The following ITPR3 variants were observed in gnomAD, a reference collection of about 807,000 sequenced individuals.
ITPR3 encodes inositol 1,4,5-trisphosphate-gated calcium channel ITPR3.
A neutral mutation model predicts 293.2 loss-of-function variants in ITPR3; 173 were observed. The ratio of observed to expected loss-of-function variants is 0.59; its 90% CI spans 0.52 to 0.67. ITPR3 has a LOEUF of 0.67. Among genes scored for constraint, ITPR3 ranks in the 30% least tolerant of loss-of-function variants. ITPR3 has a pLI of 0.00. For missense variants in ITPR3, 2,796 were observed against 3,592.1 expected, an observed-to-expected ratio of 0.78 and a Z score of 5.66; for synonymous variants, 1,295 against 1,444.4, an observed-to-expected ratio of 0.90 and a Z score of 2.35.
At position 33,658,588 on chromosome 6, in the gene ITPR3, C is replaced by G. The variant is rs2127262193; in HGVS notation, c.370-82C>G. 2 of 1,494,760 alleles carry G rather than the reference C, an allele frequency of 1.3e-6. No individual in the cohort carries two copies. Among genetic ancestry groups the G allele is most frequent in the South Asian group, 2.4e-5 (2 of 81,850 alleles). 92.6% of individuals were successfully genotyped at this position (1,494,760 alleles called of 1,614,324 possible). On this transcript the variant is annotated intron_variant, in intron 4 of 57. Transcript: ENST00000605930. This position sits in a 1 kb window ranked among gnomAD's most constrained non-coding sequence, Gnocchi z 6.1. ...GTGCAGCCAGAATGTGACCAAGGGTCTAGGGGATCCCCCCATATCCCCTCC... is the reference window on the plus strand; with the variant it reads ...GTGCAGCCAGAATGTGACCAAGGGTGTAGGGGATCCCCCCATATCCCCTCC...
Position 33,679,911 on chromosome 6 carries a change from G to C in ITPR3, c.4002G>C (p.Val1334=). 6.2e-7 allele frequency: 1 copy of C among 1,613,752 alleles called. No individual in the cohort carries two copies. Among genetic ancestry groups the C allele is most frequent in the Non-Finnish European group, 8.5e-7 (1 of 1,179,928 alleles). ...CCAATGCAGGTGACGATGTGGTCGT[G>C]TTCTACAATGATAAGGCATCGCTGG... The part of the protein sequence containing the change: ...ELTNAGDDVV[V]FYNDKASLAH... The change falls in exon 31 of 58, where the codon GTG becomes GTC. Residue 1334 remains valine, a synonymous_variant. Coordinates refer to ENST00000605930, the MANE Select transcript of ITPR3 (RefSeq NM_002224.4). This position sits in a 1 kb window ranked among gnomAD's most constrained non-coding sequence, Gnocchi z 4.2.
chr6:33,642,399 TAGAGAC>T (rs1457288080), intron 2 of ITPR3, among the ~76,000 whole-genome samples: 1 of 151,704 alleles, frequency 6.6e-6, no homozygotes, highest in African/African-American at 2.4e-5. Context: ...GGAAAGAACT[TAGAGAC>T]AGAGAGAAAG....
Position 33,689,300 on chromosome 6 carries a change from G to T in ITPR3, c.6757G>T (p.Ala2253Ser). 6.2e-7 allele frequency: 1 copy of T among 1,612,422 alleles called. No homozygotes were observed. Residue 2253 changes from alanine (A) to serine (S), a missense_variant, in exon 50 of 58, where the codon GCC becomes TCC. This residue lies in a region of ITPR3 where 568 missense variants were observed against 796.1 expected (regional missense o/e 0.71). Coordinates refer to ENST00000605930, the MANE Select transcript of ITPR3 (RefSeq NM_002224.4). ...FWILICFSIA[A>S]LFTKRYSIRP... ...GATCCTCATCTGCTTCTCCATCGCG[G>T]CCCTGTTCACCAAGCGCTACAGCAT... is the stretch of plus-strand genomic sequence containing the variant.
At chr6:33,648,030 G>A (rs1016173267) in intron 2 of ITPR3, among the ~76,000 whole-genome samples, 5 of 150,272 alleles carry the variant, frequency 3.3e-5, no homozygotes, top group Admixed American at 2.7e-4. Context: ...AGCTACCCCT[G>A]TGTCTCCAAA....
rs1764561141 is a variant in ITPR3, at chr6:33,664,613, TG to T, written c.1149-255del. On this transcript the variant is annotated intron_variant, in intron 11 of 57. Transcript: ENST00000605930. This position sits in a 1 kb window ranked among gnomAD's most constrained non-coding sequence, Gnocchi z 4.4. ...TGGTCCCAAGTGTACAAACAAGCTT[TG>T]GTTTTGGAAGCGTGGACAAGGCTGC... Among the ~76,000 whole-genome samples, 3 of 152,318 alleles carry T rather than the reference TG, an allele frequency of 2.0e-5. No individual in the cohort carries two copies. Among genetic ancestry groups the T allele is most frequent in the Non-Finnish European group, 4.4e-5 (3 of 68,034 alleles).
In ITPR3 at chr6:33,670,774, G is replaced by A. The variant is rs200072171; in HGVS notation, c.2545G>A (p.Val849Met). The A allele has an allele frequency of 6.3e-5, 102 of 1,614,092 alleles. 2 individuals are homozygous for A. Among genetic ancestry groups the A allele is most frequent in the Middle Eastern group, 4.9e-4 (3 of 6,062 alleles). Reference sequence around the variant, plus strand: ...CCTCAACAATGTAGTCAGCGAGGCCGTGCCCTTTGCCAACGAGGAGAAGAA... The same window carrying A: ...CCTCAACAATGTAGTCAGCGAGGCCATGCCCTTTGCCAACGAGGAGAAGAA... ...DYLNNVVSEA[V>M]PFANEEKNKL... The change falls in exon 20 of 58, where the codon GTG becomes ATG. Residue 849 changes from valine (V) to methionine (M), a missense_variant. By Grantham distance (21) the Val-to-Met change is conservative. Coordinates refer to ENST00000605930, the MANE Select transcript of ITPR3 (RefSeq NM_002224.4). This position sits in a 1 kb window ranked among gnomAD's most constrained non-coding sequence, Gnocchi z 6.7.
chr6:33,657,303 A>G (rs1764332298), intron 3 of ITPR3, among the ~76,000 whole-genome samples: 1 of 152,196 alleles, frequency 6.6e-6, no homozygotes, highest in African/African-American at 2.4e-5. Context: ...CCAGTCTAAC[A>G]GAGGACAGAA....
rs142075453 is a variant in ITPR3, at chr6:33,668,567, G to A, written c.1939G>A (p.Val647Ile). The change falls in exon 17 of 58, where the codon GTC (valine) becomes ATC (isoleucine). Residue 647 changes from valine (V) to isoleucine (I), a missense_variant. Coordinates refer to ENST00000605930, the MANE Select transcript of ITPR3 (RefSeq NM_002224.4). ...LCVSNHIAIP[V>I]TQELICKCVL... is the part of the protein sequence containing the mutation. ...TGTGTCCAACCACATCGCCATCCCC[G>A]TCACCCAAGAGCTCATCTGCAAGTG... The A allele has an allele frequency of 6.2e-5, 100 of 1,614,036 alleles. No individual in the cohort carries two copies. Among genetic ancestry groups the A allele is most frequent in the Non-Finnish European group, 2.2e-5 (26 of 1,180,026 alleles).
At chr6:33,622,467 G>C (rs1582090610) in intron 1 of ITPR3, among the ~76,000 whole-genome samples, 1 of 152,330 alleles carries the variant, frequency 6.6e-6, no homozygotes, top group East Asian at 1.9e-4. Context: ...TAGAGAGGAT[G>C]GGTTTATCTT....
chr6:33,686,352 G>A, intron 42 of ITPR3, 57 bp from the exon 43 acceptor site: 1 of 1,590,290 alleles, frequency 6.3e-7, no homozygotes, highest in Non-Finnish European at 8.6e-7. Context: ...GAGGTCTCTG[G>A]AGCTGCCACT....
intron 3 of ITPR3, among the ~76,000 whole-genome samples, chr6:33,657,250 C>G (rs1207633957): frequency 1.3e-5 from 2 of 152,198 alleles, no homozygotes; most frequent in Non-Finnish European, 2.9e-5. Context: ...TCCAGGAACC[C>G]CTAATCTGGT....
chr6:33,642,783 C>G (rs559739536), intron 2 of ITPR3, among the ~76,000 whole-genome samples: 150 of 152,230 alleles, frequency 9.9e-4, no homozygotes, highest in African/African-American at 3.3e-3. Flanking sequence ...CTCGCTGGGT[C>G]CATCCAGCAA....
intron 55 of ITPR3, 124 bp from the exon 56 acceptor site, chr6:33,693,421 T>C: frequency 1.1e-6 from 1 of 911,812 alleles, no homozygotes; most frequent in Non-Finnish European, 1.7e-6. Flanking sequence ...CAGAGCGAGC[T>C]GTTGGAAGCG....
At position 33,621,654 on chromosome 6, in the gene ITPR3, G is replaced by T. The variant is rs1763439117; in HGVS notation, c.52G>T (p.Ala18Ser). The T allele has an allele frequency of 6.2e-7, 1 of 1,610,670 alleles. No homozygotes were observed. Among genetic ancestry groups the T allele is most frequent in the African/African-American group, 1.3e-5 (1 of 74,910 alleles). The part of the protein sequence containing the change: ...LHIGDIVSLY[A>S]EGSVNGFIST... ...CATCGGGGACATCGTCTCCCTGTAC[G>T]CCGAGGGCTCCGTCAATGGCTTCAT... The change falls in exon 1 of 58, where the codon GCC becomes TCC. Residue 18 changes from alanine (A) to serine (S), a missense_variant. By Grantham distance (99) the Ala-to-Ser change is moderately conservative. This residue lies in a region of ITPR3 where 22 missense variants were observed against 56.5 expected (regional missense o/e 0.39). Transcript: ENST00000605930. This position sits in a 1 kb window ranked among gnomAD's most constrained non-coding sequence, Gnocchi z 7.7.
chr6:33,647,723 G>T (rs1764100493), intron 2 of ITPR3, among the ~76,000 whole-genome samples: 1 of 152,174 alleles, frequency 6.6e-6, no homozygotes. Flanking sequence ...TCCACACATA[G>T]AGTTATGTGG....
At chr6:33,634,778 A>G (rs1425842110) in intron 1 of ITPR3, among the ~76,000 whole-genome samples, 1 of 152,032 alleles carries the variant, frequency 6.6e-6, no homozygotes, top group African/African-American at 2.4e-5. Flanking sequence ...GGTGAGGAAA[A>G]ACGCTTTGGC....
At position 33,663,519 on chromosome 6, in the gene ITPR3, G is replaced by T; in HGVS notation, c.974G>T (p.Gly325Val). The T allele has an allele frequency of 6.2e-7, 1 of 1,606,466 alleles. No homozygotes were observed. Among genetic ancestry groups the T allele is most frequent in the Non-Finnish European group, 8.5e-7 (1 of 1,176,108 alleles). The change falls in exon 10 of 58, where the codon GGT (glycine) becomes GTT (valine). Residue 325 changes from glycine to valine, a missense_variant. This residue lies in a region of ITPR3 where 955 missense variants were observed against 1,180.8 expected (regional missense o/e 0.81). Transcript: ENST00000605930. ...GTCCAGGAGAACCCCAGTTACAAAG[G>T]TGATGCCTCAGATCCCAAGGCAGCA... ...LAAEENPSYK[G>V]DASDPKAAGM... is the part of the protein sequence containing the mutation.
Position 33,695,918 on chromosome 6 carries a change from C to T in ITPR3, c.*138C>T. 1.4e-6 allele frequency: 1 copy of T among 733,550 alleles called. No homozygotes were observed. Among genetic ancestry groups the T allele is most frequent in the Non-Finnish European group, 2.3e-6 (1 of 429,284 alleles). 45.4% of individuals were successfully genotyped at this position (733,550 alleles called of 1,614,324 possible). A position where few individuals can be genotyped will look rare whatever the true frequency, so the allele number is the denominator to read the frequency against. On this transcript the variant is annotated 3_prime_UTR_variant, in exon 58 of 58. Transcript: ENST00000605930. ...TCCCACTCTGCCAGACACCCTGACA[C>T]CCACCCAGGCTTTGAAGAGCATGGA...
chr6:33,636,257 A>AT (rs1763821662), intron 1 of ITPR3, among the ~76,000 whole-genome samples: 1 of 151,882 alleles, frequency 6.6e-6, no homozygotes, highest in African/African-American at 2.4e-5. Context: ...AGCCAAGATC[A>AT]TGCCACTGCA....
Sources: gnomAD v4.1 joint callset for allele counts (sites outside exome capture counted in the v4.1 genomes callset) on GRCh38, gnomAD v4.1.1 for gene constraint, gnomAD v4.1.1 regional missense constraint, Gnocchi (gnomAD v3.1) non-coding constraint, MANE v1.5 for transcripts, NCBI Gene and HGNC (gene_info 2026-07-23, HGNC 2026-07-21) for gene names.